Variants in MAF observed in about 807,000 individuals in gnomAD.
MAF encodes MAF bZIP transcription factor.
A neutral mutation model predicts 22.0 loss-of-function variants in MAF; 10 were observed. The ratio of observed to expected loss-of-function variants is 0.45; its 90% CI spans 0.28 to 0.77. The LOEUF is 0.77. Among genes scored for constraint, MAF ranks in the 30% least tolerant of loss-of-function variants. MAF has a pLI of 0.12. For missense variants in MAF, 544 were observed against 548.4 expected, an observed-to-expected ratio of 0.99 and a Z score of 0.08; for synonymous variants, 337 against 255.8, an observed-to-expected ratio of 1.32 and a Z score of -3.03.
chr16:79,276,479 G>C, the MAF span, among the ~76,000 whole-genome samples: 1 of 152,172 alleles, frequency 6.6e-6, no homozygotes, highest in Non-Finnish European at 1.5e-5. Context: ...GCTGGAAGGA[G>C]CTTGGGAAAG....
the MAF span, among the ~76,000 whole-genome samples, chr16:79,377,860 G>T: frequency 6.6e-6 from 1 of 152,084 alleles, no homozygotes; most frequent in African/African-American, 2.4e-5. Context: ...TTATTTCTGA[G>T]GGCTCTGTTC....
the MAF span, among the ~76,000 whole-genome samples, chr16:79,399,131 A>G: frequency 1.3e-5 from 2 of 152,196 alleles, no homozygotes. Context: ...GTTGGAATGG[A>G]CAGACCTGCC....
the MAF span, among the ~76,000 whole-genome samples, chr16:79,387,788 A>G: frequency 6.6e-6 from 1 of 152,232 alleles, no homozygotes; most frequent in African/African-American, 2.4e-5. Context: ...AAATAACACC[A>G]TATATTTAAA....
At chr16:79,260,302 C>T in the MAF span, among the ~76,000 whole-genome samples, 1 of 152,074 alleles carries the variant, frequency 6.6e-6, no homozygotes, top group African/African-American at 2.4e-5. Flanking sequence ...AGGTGTGCAC[C>T]ACCACACCTG....
At chr16:79,560,186 C>G in the MAF span, among the ~76,000 whole-genome samples, 2 of 152,032 alleles carry the variant, frequency 1.3e-5, no homozygotes, top group Non-Finnish European at 2.9e-5. Flanking sequence ...ACTGGGACTA[C>G]AGGTGCACCT....
downstream of MAF, among the ~76,000 whole-genome samples, chr16:79,592,221 T>A (rs140594400): frequency 1.9e-4 from 29 of 152,342 alleles, no homozygotes; most frequent in African/African-American, 6.7e-4. Context: ...AGTTTTGTTT[T>A]GTTTCTCTCT....
At position 79,598,886 on chromosome 16, in the gene MAF, G is replaced by A; in HGVS notation, c.1017C>T (p.Arg339=). 7 of 1,613,712 alleles carry A rather than the reference G, an allele frequency of 4.3e-6. No individual in the cohort carries two copies. The highest frequency in any genetic ancestry group is 2.2e-5 in the East Asian group (1 of 44,790). Residue 339 remains arginine, a synonymous_variant, in exon 1 of 2, where the codon CGC becomes CGT. Coordinates refer to ENST00000326043, the MANE Select transcript of MAF (RefSeq NM_005360.5). ...ATTTCTCCTTGTACGCGTCCCTCTC[G>A]CGCACCAGCCTGGAGATCTCCTGCT... ...HLKQEISRLV[R]ERDAYKEKYE... is the part of the protein sequence containing the mutation.
the MAF span, among the ~76,000 whole-genome samples, chr16:79,230,083 T>C: frequency 6.6e-6 from 1 of 152,160 alleles, no homozygotes; most frequent in Admixed American, 6.6e-5. Flanking sequence ...ATTTAATCAC[T>C]GATCTTGTAA....
At chr16:79,330,287 G>A in the MAF span, among the ~76,000 whole-genome samples, 7 of 152,320 alleles carry the variant, frequency 4.6e-5, no homozygotes, top group African/African-American at 1.7e-4. Context: ...TGTGTATGTG[G>A]TAGATATGTT....
chr16:79,240,122 G>C, the MAF span, among the ~76,000 whole-genome samples: 2 of 151,858 alleles, frequency 1.3e-5, no homozygotes, highest in African/African-American at 4.8e-5. Context: ...ATGGCATTGG[G>C]GGTTTAGGGT....
At chr16:79,373,870 C>A in the MAF span, among the ~76,000 whole-genome samples, 1,522 of 152,204 alleles carry the variant, frequency 1.0e-2, 10 homozygotes, top group Middle Eastern at 0.027. Context: ...AATAAATTAC[C>A]CCATTTCAGG....
chr16:79,300,802 C>T, the MAF span, among the ~76,000 whole-genome samples: 3 of 151,384 alleles, frequency 2.0e-5, no homozygotes, highest in South Asian at 2.1e-4. Context: ...GATTTGTGTT[C>T]AGTTTTTTTA....
At chr16:79,225,847 T>C in the MAF span, among the ~76,000 whole-genome samples, 1 of 152,182 alleles carries the variant, frequency 6.6e-6, no homozygotes, top group African/African-American at 2.4e-5. Context: ...TCACACCAGT[T>C]AGAATGGTGA....
the MAF span, among the ~76,000 whole-genome samples, chr16:79,388,907 T>C: frequency 7.2e-5 from 11 of 152,228 alleles, no homozygotes; most frequent in Non-Finnish European, 2.9e-5. Context: ...TAGCTTGACT[T>C]GCAGTTTATG....
At chr16:79,343,919 A>C in the MAF span, among the ~76,000 whole-genome samples, 1 of 152,184 alleles carries the variant, frequency 6.6e-6, no homozygotes, top group African/African-American at 2.4e-5. Context: ...TGGACTTCCT[A>C]GGTGAAATCA....
chr16:79,502,092 G>A, the MAF span, among the ~76,000 whole-genome samples: 1 of 152,150 alleles, frequency 6.6e-6, no homozygotes, highest in Non-Finnish European at 1.5e-5. Context: ...TAACTTCAGT[G>A]AATACGTGTC....
intron 1 of MAF, among the ~76,000 whole-genome samples, chr16:79,588,299 G>C (rs1303710145): frequency 6.6e-6 from 1 of 152,170 alleles, no homozygotes; most frequent in South Asian, 2.1e-4. Context: ...TTTTACGTGG[G>C]AAGATTGCCC....
intron 1 of MAF, chr16:79,596,054 G>C (rs887499304): frequency 1.3e-5 from 14 of 1,061,826 alleles, no homozygotes; most frequent in African/African-American, 8.2e-5. Flanking sequence ...GAAAAGGCAA[G>C]CGCTGTTTCT....
the MAF span, among the ~76,000 whole-genome samples, chr16:79,512,175 T>A: frequency 6.6e-6 from 1 of 152,202 alleles, no homozygotes; most frequent in East Asian, 1.9e-4. Context: ...AGATCTTTCA[T>A]CCTCTACCCT....
Sources: allele counts gnomAD v4.1 joint callset (sites outside exome capture counted in the v4.1 genomes callset), GRCh38; gene constraint gnomAD v4.1.1; transcripts MANE v1.5; gene names NCBI Gene and HGNC (gene_info 2026-07-23, HGNC 2026-07-21).